Variants in DNAJA3 observed in about 807,000 individuals in gnomAD.
The protein encoded by DNAJA3 is DnaJ heat shock protein family (Hsp40) member A3.
Under a neutral mutation model 54.9 loss-of-function variants are expected in DNAJA3, and 29 were observed. That is an observed-to-expected ratio of 0.53 (90% CI 0.39 to 0.72). The LOEUF (loss-of-function observed/expected upper bound fraction) is 0.72, where lower values mean the gene tolerates loss of function less well. Ranked by LOEUF, DNAJA3 falls within the 30% of genes least tolerant of loss-of-function variation. The probability of loss-of-function intolerance (pLI) is 0.00; values close to 1 mark genes in which losing one functional copy is unlikely to be tolerated. For missense variants in DNAJA3, 708 were observed against 639.4 expected, an observed-to-expected ratio of 1.11 and a Z score of -1.16; for synonymous variants, 302 against 251.4, an observed-to-expected ratio of 1.20 and a Z score of -1.90.
chr16:4,452,760 C>G (rs549303676), intron 10 of DNAJA3, among the ~76,000 whole-genome samples: 6 of 152,252 alleles, frequency 3.9e-5, no homozygotes, highest in Non-Finnish European at 8.8e-5. Flanking sequence ...AATTTCAAAA[C>G]TAGCCAGGTG....
At chr16:4,450,120 A>G in intron 9 of DNAJA3, 1 of 377,268 alleles carries the variant, frequency 2.7e-6, no homozygotes, top group Non-Finnish European at 4.8e-6. Flanking sequence ...CTTCACATAC[A>G]CACTGGTAAA....
intron 3 of DNAJA3, among the ~76,000 whole-genome samples, chr16:4,438,304 A>C (rs1392244344): frequency 6.6e-6 from 1 of 151,752 alleles, no homozygotes; most frequent in Non-Finnish European, 1.5e-5. Flanking sequence ...GCGACAGAGC[A>C]AGACCCCGTC....
intron 2 of DNAJA3, among the ~76,000 whole-genome samples, chr16:4,436,010 C>CGCT (rs1156953428): frequency 6.6e-6 from 1 of 152,234 alleles, no homozygotes; most frequent in African/African-American, 2.4e-5. Flanking sequence ...TTTTTAATTA[C>CGCT]GACCCTAGTG....
chr16:4,448,179 A>G (rs1293666713), intron 8 of DNAJA3, among the ~76,000 whole-genome samples: 2 of 150,902 alleles, frequency 1.3e-5, no homozygotes, highest in African/African-American at 4.9e-5. Context: ...AGCACGCGCC[A>G]CCATGCCTGG....
intron 4 of DNAJA3, among the ~76,000 whole-genome samples, chr16:4,441,901 T>C (rs1037292332): frequency 1.3e-5 from 2 of 152,144 alleles, no homozygotes; most frequent in African/African-American, 4.8e-5. Flanking sequence ...TGATCCTCTC[T>C]CATTTATGTC....
chr16:4,448,693 C>T (rs748410800), intron 8 of DNAJA3, 40 bp from the exon 9 acceptor site: 10 of 1,486,424 alleles, frequency 6.7e-6, no homozygotes, highest in South Asian at 1.1e-5. Context: ...ATTTGAGCAA[C>T]TGGGGACCAG....
At chr16:4,433,497 G>C (rs2056732779) in intron 1 of DNAJA3, 1 of 152,206 alleles carries the variant, frequency 6.6e-6, no homozygotes, top group African/African-American at 2.4e-5. Context: ...GAGACCTCCT[G>C]AGTTTCTGGT....
chr16:4,448,940 G>C, intron 9 of DNAJA3, 92 bp downstream of exon 9: 1 of 878,824 alleles, frequency 1.1e-6, no homozygotes, highest in South Asian at 1.4e-5. Flanking sequence ...ACTGCTCCCT[G>C]TAAGTCAGGT....
chr16:4,442,485 G>C, intron 5 of DNAJA3, 65 bp downstream of exon 5: 1 of 1,482,122 alleles, frequency 6.7e-7, no homozygotes, highest in African/African-American at 1.4e-5. Context: ...AGCTGGTTGT[G>C]GCACTGCTCC....
intron 2 of DNAJA3, among the ~76,000 whole-genome samples, chr16:4,435,671 C>T (rs2056764835): frequency 6.6e-6 from 1 of 152,138 alleles, no homozygotes; most frequent in South Asian, 2.1e-4. Flanking sequence ...TACTTCATCC[C>T]TTTTTATGGT....
At chr16:4,451,653 A>T (rs781494874) in intron 10 of DNAJA3, among the ~76,000 whole-genome samples, 1 of 147,600 alleles carries the variant, frequency 6.8e-6, no homozygotes, top group Non-Finnish European at 1.5e-5. Flanking sequence ...GCTACTCAGG[A>T]CGCTGAGGCA....
At chr16:4,432,509 A>C (rs193210451) in intron 1 of DNAJA3, among the ~76,000 whole-genome samples, 57 of 149,546 alleles carry the variant, frequency 3.8e-4, no homozygotes, top group Admixed American at 6.7e-4. Flanking sequence ...CATCCGGCTA[A>C]TTTTGTATTT....
rs1167494613 is a variant in DNAJA3 at position 4,455,758 on chromosome 16, T to C, written c.*226T>C. The C allele has an allele frequency of 1.6e-6, 1 of 638,008 alleles. No homozygotes were observed. The highest frequency in any genetic ancestry group is 1.8e-5 in the African/African-American group (1 of 54,632). The allele number at this position is 638,008 out of a possible 1,614,324, so 39.5% of individuals were successfully genotyped here. A position where few individuals can be genotyped will look rare whatever the true frequency, so the allele number is the denominator to read the frequency against. On this transcript the variant is annotated 3_prime_UTR_variant, in exon 12 of 12. Transcript: ENST00000262375. ...GGCAGTAGGATGCAGCCCCAGAGGC[T>C]GGTGGCAGTTTCCTGTCCATTGGTA...
In DNAJA3 at chr16:4,425,896, C is replaced by G. The variant is rs368800478; in HGVS notation, c.15C>G (p.Cys5Trp). MAAR[C>W]STRWLLVVVG... ...CCCGGGCCAAGATGGCTGCGCGGTG[C>G]TCCACACGCTGGTTGCTGGTGGTTG... The change falls in exon 1 of 12, where the codon TGC becomes TGG. Residue 5 changes from cysteine (C) to tryptophan (W), a missense_variant. Cys to Trp is a radical substitution (Grantham distance 215). Coordinates refer to ENST00000262375, the MANE Select transcript of DNAJA3 (RefSeq NM_005147.6). 1.3e-6 allele frequency: 2 copies of G among 1,540,902 alleles called. No homozygotes were observed. Among genetic ancestry groups the G allele is most frequent in the Non-Finnish European group, 1.7e-6 (2 of 1,144,890 alleles).
intron 7 of DNAJA3, among the ~76,000 whole-genome samples, chr16:4,445,170 G>A (rs928076752): frequency 6.6e-6 from 1 of 152,204 alleles, no homozygotes; most frequent in Non-Finnish European, 1.5e-5. Context: ...AGCCTAGCAG[G>A]CGATAGGTAC....
intron 1 of DNAJA3, chr16:4,433,984 A>C (rs2056739522): frequency 4.4e-6 from 1 of 228,690 alleles, no homozygotes. Flanking sequence ...GTAAATTTTA[A>C]AGGAAAGAGG....
chr16:4,437,630 A>AT, intron 3 of DNAJA3, 145 bp downstream of exon 3: 2 of 650,660 alleles, frequency 3.1e-6, no homozygotes, highest in Non-Finnish European at 5.2e-6. Flanking sequence ...GTTAAGAAAA[A>AT]TAAAAAAAAA....
chr16:4,440,687 TG>T (rs2056827581), intron 3 of DNAJA3: 2 of 150,986 alleles, frequency 1.3e-5, no homozygotes, highest in Admixed American at 1.3e-4. Flanking sequence ...AACAGTTTTG[TG>T]GGCCAGGCCC....
chr16:4,437,880 C>G (rs910539053), intron 3 of DNAJA3, among the ~76,000 whole-genome samples: 1 of 150,638 alleles, frequency 6.6e-6, no homozygotes, highest in Non-Finnish European at 1.5e-5. Flanking sequence ...TTGAGGGGCT[C>G]AAAGCTGCAG....
Sources: gnomAD v4.1 joint callset for allele counts (sites outside exome capture counted in the v4.1 genomes callset) on GRCh38, gnomAD v4.1.1 for gene constraint, MANE v1.5 for transcripts, NCBI Gene and HGNC (gene_info 2026-07-23, HGNC 2026-07-21) for gene names.